The following SCN2A variants were observed in gnomAD, a reference collection of about 807,000 sequenced individuals.
SCN2A encodes sodium voltage-gated channel alpha subunit 2, also known as sodium channel protein type 2 subunit alpha.
Under a neutral mutation model 188.7 loss-of-function variants are expected in SCN2A, and 20 were observed. The observed-to-expected ratio is 0.11, with a 90% CI of 0.07 to 0.15. The LOEUF is 0.15. Among genes scored for constraint, SCN2A ranks in the 10% least tolerant of loss-of-function variants. The probability of loss-of-function intolerance (pLI) is 1.00; values close to 1 mark genes in which losing one functional copy is unlikely to be tolerated. For synonymous variants in SCN2A, 804 were observed against 833.1 expected (o/e 0.97, Z 0.60); for missense variants, 1,278 against 2,445.0 (o/e 0.52, Z 10.07).
chr2:165,363,976 A>T (rs971273588), intron 17 of SCN2A, among the ~76,000 whole-genome samples: 1 of 152,186 alleles, frequency 6.6e-6, no homozygotes, highest in African/African-American at 2.4e-5. Context: ...TTTTATATAA[A>T]GAAAATTATT....
At chr2:165,254,936 A>G (rs750475969) in intron 1 of SCN2A, among the ~76,000 whole-genome samples, 16 of 151,862 alleles carry the variant, frequency 1.1e-4, no homozygotes, top group Non-Finnish European at 2.2e-4. Context: ...CTCTAATAAC[A>G]TTGGAAAACC....
chr2:165,338,874 A>G (rs1442841809), intron 14 of SCN2A, among the ~76,000 whole-genome samples: 2 of 152,174 alleles, frequency 1.3e-5, no homozygotes, highest in Admixed American at 1.3e-4. Flanking sequence ...AAAAACTGTC[A>G]GTAAACTAGG....
intron 1 of SCN2A, among the ~76,000 whole-genome samples, chr2:165,261,782 T>TA (rs906423381): frequency 4.6e-5 from 7 of 151,918 alleles, no homozygotes; most frequent in Admixed American, 1.3e-4. Flanking sequence ...TTTAGATGGT[T>TA]AAAAAAAAGG....
intron 13 of SCN2A, 62 bp downstream of exon 13, chr2:165,327,046 A>G (rs1698394786): frequency 3.2e-6 from 5 of 1,568,318 alleles, no homozygotes; most frequent in Middle Eastern, 1.7e-4. Context: ...AAAACACTTC[A>G]TAAATTTCAA....
chr2:165,275,423 A>G (rs1695291553), intron 1 of SCN2A, among the ~76,000 whole-genome samples: 1 of 152,102 alleles, frequency 6.6e-6, no homozygotes, highest in Non-Finnish European at 1.5e-5. Flanking sequence ...CAGAATCTAT[A>G]TTTGCCTTAC....
intron 25 of SCN2A, among the ~76,000 whole-genome samples, chr2:165,384,137 G>C (rs1485131513): frequency 6.6e-6 from 1 of 152,030 alleles, no homozygotes; most frequent in Non-Finnish European, 1.5e-5. Flanking sequence ...AATGAATTTG[G>C]AGTAATATAT....
chr2:165,249,173 A>G (rs1693986387), intron 1 of SCN2A, among the ~76,000 whole-genome samples: 1 of 152,084 alleles, frequency 6.6e-6, no homozygotes, highest in South Asian at 2.1e-4. Flanking sequence ...CTGTCTCCCA[A>G]ATACCACACT....
At chr2:165,250,151 T>A (rs1238092931) in intron 1 of SCN2A, among the ~76,000 whole-genome samples, 1 of 152,012 alleles carries the variant, frequency 6.6e-6, no homozygotes, top group Non-Finnish European at 1.5e-5. Flanking sequence ...ACAGATATTG[T>A]TTTGTATGGT....
intron 11 of SCN2A, among the ~76,000 whole-genome samples, chr2:165,322,580 A>C (rs1698131324): frequency 6.6e-6 from 1 of 152,236 alleles, no homozygotes; most frequent in South Asian, 2.1e-4. Flanking sequence ...GATTTAATTT[A>C]TTCATGAAGA....
At chr2:165,302,685 G>T (rs1469146522) in intron 3 of SCN2A, among the ~76,000 whole-genome samples, 3 of 152,188 alleles carry the variant, frequency 2.0e-5, no homozygotes, top group East Asian at 1.9e-4. Flanking sequence ...TAAACAAATT[G>T]CTGAAGCCCA....
At chr2:165,291,528 C>CTTTCTTT (rs1559340566) in intron 1 of SCN2A, among the ~76,000 whole-genome samples, 39 of 27,790 alleles carry the variant, frequency 1.4e-3, no homozygotes, top group African/African-American at 3.0e-3. Context: ...TCCTTTCTTT[C>CTTTCTTT]CTTCCTTCCT....
At chr2:165,329,023 G>A (rs1417794778) in intron 13 of SCN2A, among the ~76,000 whole-genome samples, 1 of 124,446 alleles carries the variant, frequency 8.0e-6, no homozygotes, top group Non-Finnish European at 1.6e-5. Flanking sequence ...TTCTGATAAT[G>A]GTGCAAAGTT....
chr2:165,367,090 C>G, intron 18 of SCN2A, 127 bp from the exon 19 acceptor site: 1 of 858,814 alleles, frequency 1.2e-6, no homozygotes, highest in Non-Finnish European at 1.8e-6. Context: ...TAAGCGGAAG[C>G]TATCTTAAAA....
chr2:165,363,915 A>G (rs1236558186), intron 17 of SCN2A, among the ~76,000 whole-genome samples: 3 of 152,146 alleles, frequency 2.0e-5, no homozygotes, highest in African/African-American at 7.2e-5. Context: ...TCTCATGTAT[A>G]TCATACATCA....
intron 19 of SCN2A, among the ~76,000 whole-genome samples, chr2:165,367,970 T>C (rs1253638466): frequency 5.9e-5 from 9 of 152,162 alleles, no homozygotes; most frequent in Admixed American, 2.6e-4. Context: ...CATGGATGGC[T>C]TAAATGTTAA....
chr2:165,258,445 G>A (rs1694426104), intron 1 of SCN2A, among the ~76,000 whole-genome samples: 1 of 152,172 alleles, frequency 6.6e-6, no homozygotes, highest in African/African-American at 2.4e-5. Flanking sequence ...GCTTGCTGGA[G>A]AGATTGCAGA....
chr2:165,334,480 A>G (rs1698875339), intron 14 of SCN2A, among the ~76,000 whole-genome samples: 1 of 151,876 alleles, frequency 6.6e-6, no homozygotes, highest in Non-Finnish European at 1.5e-5. Flanking sequence ...GGGCTGGACC[A>G]GCATAAAAAA....
At chr2:165,248,398 A>G (rs1693947568) in intron 1 of SCN2A, among the ~76,000 whole-genome samples, 1 of 152,004 alleles carries the variant, frequency 6.6e-6, no homozygotes, top group Admixed American at 6.6e-5. Context: ...GAACACTTCA[A>G]TCCTTTGGGC....
chr2:165,315,864 T>C (rs1697719987), intron 11 of SCN2A, 106 bp downstream of exon 11: 5 of 1,250,140 alleles, frequency 4.0e-6, no homozygotes, highest in Non-Finnish European at 5.7e-6. Flanking sequence ...GCACAATGCT[T>C]TCAGAGTAGT....
Sources: allele counts gnomAD v4.1 joint callset (sites outside exome capture counted in the v4.1 genomes callset), GRCh38; gene constraint gnomAD v4.1.1; transcripts MANE v1.5; gene names NCBI Gene and HGNC (gene_info 2026-07-23, HGNC 2026-07-21).